TTC28: variants seen among roughly 807,000 people sequenced by gnomAD.
TTC28 encodes tetratricopeptide repeat domain 28.
A neutral mutation model predicts 198.0 loss-of-function variants in TTC28; 61 were observed. The ratio of observed to expected loss-of-function variants is 0.31; its 90% confidence interval spans 0.25 to 0.38. TTC28 has a LOEUF of 0.38. Among genes scored for constraint, TTC28 ranks in the 10% least tolerant of loss-of-function variants. The probability of loss-of-function intolerance (pLI) is 1.00; values close to 1 mark genes in which losing one functional copy is unlikely to be tolerated. For synonymous variants in TTC28, 1,171 were observed against 1,297.8 expected (o/e 0.90, Z 2.10); for missense variants, 2,678 against 3,164.0 (o/e 0.85, Z 3.69).
intron 5 of TTC28, among the ~76,000 whole-genome samples, chr22:28,215,500 TA>T (rs1224745059): frequency 1.3e-5 from 2 of 152,196 alleles, no homozygotes; most frequent in Non-Finnish European, 2.9e-5. Flanking sequence ...TATTTGGTGA[TA>T]AATTTTCTTC....
At chr22:28,114,849 G>C (rs961311722) in intron 6 of TTC28, among the ~76,000 whole-genome samples, 2 of 152,190 alleles carry the variant, frequency 1.3e-5, no homozygotes, top group African/African-American at 4.8e-5. Context: ...GCCTCCTAAA[G>C]CACTGGGATT....
At chr22:28,553,762 C>T (rs1429725693) in intron 2 of TTC28, among the ~76,000 whole-genome samples, 1 of 151,244 alleles carries the variant, frequency 6.6e-6, no homozygotes, top group Non-Finnish European at 1.5e-5. Flanking sequence ...GGGGGTCAGC[C>T]CCCCGCCCGG....
At chr22:28,604,297 T>TACATATATATATATATATATA (rs1053139903) in intron 2 of TTC28, among the ~76,000 whole-genome samples, 10 of 114,128 alleles carry the variant, frequency 8.8e-5, no homozygotes, top group African/African-American at 3.5e-4. Context: ...AAAAAAAAAA[T>TACATATATATATATATATATA]TATATATATA....
intron 2 of TTC28, among the ~76,000 whole-genome samples, chr22:28,432,137 T>C (rs528646739): frequency 2.0e-5 from 3 of 151,226 alleles, no homozygotes; most frequent in African/African-American, 7.3e-5. Flanking sequence ...TACAAAAAAA[T>C]TAGCCAGGCG....
At chr22:28,636,630 T>C (rs925768941) in intron 1 of TTC28, among the ~76,000 whole-genome samples, 2 of 152,190 alleles carry the variant, frequency 1.3e-5, no homozygotes, top group Non-Finnish European at 2.9e-5. Context: ...GGTAGTGATG[T>C]TGAGCAGCTT....
chr22:28,559,059 G>C (rs922743240), intron 2 of TTC28, among the ~76,000 whole-genome samples: 1 of 151,772 alleles, frequency 6.6e-6, no homozygotes, highest in Non-Finnish European at 1.5e-5. Flanking sequence ...AGAGAATTTC[G>C]GTTTATTTAT....
chr22:28,337,498 G>T (rs553048151), intron 2 of TTC28, among the ~76,000 whole-genome samples: 1 of 152,076 alleles, frequency 6.6e-6, no homozygotes, highest in Non-Finnish European at 1.5e-5. Context: ...GGTCTCTAAG[G>T]ACTTGCTTTA....
At chr22:28,429,582 T>C (rs932233494) in intron 2 of TTC28, among the ~76,000 whole-genome samples, 8 of 152,216 alleles carry the variant, frequency 5.3e-5, no homozygotes, top group Non-Finnish European at 1.0e-4. Context: ...TTTCTATACT[T>C]AGCACCTTTG....
At chr22:28,275,962 C>G (rs555647314) in intron 5 of TTC28, among the ~76,000 whole-genome samples, 1 of 151,946 alleles carries the variant, frequency 6.6e-6, no homozygotes, top group South Asian at 2.1e-4. Context: ...CTTTAGAGGA[C>G]AGTTTTATAG....
At chr22:28,565,178 C>A (rs978043709) in intron 2 of TTC28, among the ~76,000 whole-genome samples, 14 of 151,726 alleles carry the variant, frequency 9.2e-5, no homozygotes, top group African/African-American at 3.4e-4. Flanking sequence ...GCTGGGAAGA[C>A]AATAGAAACA....
intron 1 of TTC28, among the ~76,000 whole-genome samples, chr22:28,678,005 C>G (rs1339035766): frequency 1.3e-5 from 2 of 151,868 alleles, no homozygotes; most frequent in African/African-American, 4.8e-5. Context: ...TACAAATACT[C>G]AGGTTTAAGC....
intron 1 of TTC28, among the ~76,000 whole-genome samples, chr22:28,643,674 C>A (rs551212914): frequency 1.3e-5 from 2 of 152,210 alleles, no homozygotes; most frequent in South Asian, 4.2e-4. Flanking sequence ...TCAATAGTTG[C>A]CAGTTCTTTC....
At chr22:28,577,250 GTATT>G (rs1409967664) in intron 2 of TTC28, among the ~76,000 whole-genome samples, 1 of 152,050 alleles carries the variant, frequency 6.6e-6, no homozygotes, top group Admixed American at 6.6e-5. Flanking sequence ...CAGGAACACA[GTATT>G]TAATTTCCAT....
intron 5 of TTC28, among the ~76,000 whole-genome samples, chr22:28,257,627 G>C (rs145404099): frequency 7.9e-5 from 12 of 151,272 alleles, no homozygotes; most frequent in African/African-American, 2.7e-4. Context: ...AGGAGAAAAG[G>C]AGGATGAATG....
At chr22:28,490,525 C>G (rs775398726) in intron 2 of TTC28, among the ~76,000 whole-genome samples, 14 of 152,152 alleles carry the variant, frequency 9.2e-5, no homozygotes, top group Admixed American at 4.6e-4. Context: ...AAGCCTACGA[C>G]GTGCCCAGAA....
At chr22:28,304,546 G>A (rs976280134) in intron 3 of TTC28, among the ~76,000 whole-genome samples, 3 of 152,180 alleles carry the variant, frequency 2.0e-5, no homozygotes, top group African/African-American at 7.2e-5. Flanking sequence ...GTAAGAAGCT[G>A]CTTTCTCCAG....
chr22:28,675,735 TCACACA>T lies in TTC28; in HGVS notation c.102+3881_102+3886del, dbSNP rs71316854. ...GCCTGGGCGACAGAGTGAAACCCTG[TCACACA>T]CACACACACACACACACACACACAC... On this transcript the variant is annotated intron_variant, in intron 1 of 22. Transcript: ENST00000397906. 1.2e-3 allele frequency among the ~76,000 whole-genome samples: 162 copies of T among 135,196 alleles called. 3 individuals carry two copies. The highest frequency in any genetic ancestry group is 4.1e-3 in the South Asian group (16 of 3,946). The allele number at this position is 135,196 out of a possible 152,430, so 88.7% of individuals were successfully genotyped here.
chr22:28,393,785 G>A (rs2046772175), intron 2 of TTC28, among the ~76,000 whole-genome samples: 2 of 152,196 alleles, frequency 1.3e-5, no homozygotes, highest in East Asian at 3.8e-4. Context: ...AAAATTCAAA[G>A]TGAAAGCTTG....
chr22:27,992,248 C>T (rs1034391142), intron 19 of TTC28, among the ~76,000 whole-genome samples: 2 of 152,198 alleles, frequency 1.3e-5, no homozygotes, highest in Non-Finnish European at 2.9e-5. Flanking sequence ...AGTCAAGCAC[C>T]CAGCTTCACC....
Sources: allele counts gnomAD v4.1 joint callset (sites outside exome capture counted in the v4.1 genomes callset), GRCh38; gene constraint gnomAD v4.1.1; transcripts MANE v1.5; gene names NCBI Gene and HGNC (gene_info 2026-07-23, HGNC 2026-07-21).